The following PACRG variants were observed in gnomAD, a reference collection of about 807,000 sequenced individuals.
The protein encoded by PACRG is parkin coregulated, also known as parkin coregulated gene protein.
PACRG carries 29 observed loss-of-function variants against 29.7 expected under a neutral mutation model. The ratio of observed to expected loss-of-function variants is 0.98; its 90% CI spans 0.73 to 1.33. PACRG has a LOEUF of 1.33. Ranked by LOEUF, PACRG falls within the 40% of genes most tolerant of loss-of-function variation. The probability of loss-of-function intolerance (pLI) is 0.00; values close to 1 mark genes in which losing one functional copy is unlikely to be tolerated. For missense variants in PACRG, 279 were observed against 316.2 expected (o/e 0.88, Z 0.89); for synonymous variants, 116 against 118.7 (o/e 0.98, Z 0.15).
intron 1 of PACRG, among the ~76,000 whole-genome samples, chr6:162,774,166 G>C (rs192092584): frequency 7.2e-4 from 110 of 152,264 alleles, no homozygotes; most frequent in South Asian, 1.7e-3. Flanking sequence ...CTAGAAACAA[G>C]ATCTCCTACT....
intron 2 of PACRG, among the ~76,000 whole-genome samples, chr6:163,025,491 C>G (rs964823892): frequency 6.6e-6 from 1 of 152,022 alleles, no homozygotes; most frequent in Non-Finnish European, 1.5e-5. Context: ...TTCCAGTCAC[C>G]GTGAAGAAAA....
intron 4 of PACRG, among the ~76,000 whole-genome samples, chr6:163,269,960 AAAGAAAGAAAGAAAGAAAGAAAG>A (rs1783745929): frequency 1.3e-5 from 1 of 79,440 alleles, no homozygotes; most frequent in Non-Finnish European, 2.6e-5. Flanking sequence ...AGAAAGAAAG[AAAGAAAGAAAGAAAGAAAGAAAG>A]AAAGAAAGAA....
chr6:163,244,937 T>C (rs1782637172), intron 4 of PACRG: 2 of 374,068 alleles, frequency 5.3e-6, no homozygotes, highest in Non-Finnish European at 1.1e-5. Flanking sequence ...CTTCTCTTTT[T>C]AGTAACCCAT....
intron 3 of PACRG, among the ~76,000 whole-genome samples, chr6:163,084,879 A>ATATATATAATATATATATTATATTATT (rs1813414424): frequency 7.0e-6 from 1 of 142,926 alleles, no homozygotes. Context: ...ATTATATTAT[A>ATATATATAATATATATATTATATTATT]TATATAAATT....
intron 4 of PACRG, among the ~76,000 whole-genome samples, chr6:163,297,787 T>C (rs1377205814): frequency 6.6e-6 from 1 of 152,202 alleles, no homozygotes; most frequent in Non-Finnish European, 1.5e-5. Context: ...TTCTTGCCTC[T>C]GATTAGCGAC....
chr6:163,255,262 A>G (rs1783061575), intron 4 of PACRG, among the ~76,000 whole-genome samples: 1 of 152,196 alleles, frequency 6.6e-6, no homozygotes, highest in Admixed American at 6.5e-5. Context: ...ACTGCAATTT[A>G]GGTCCCCAAG....
chr6:163,177,710 A>ATTTTTTTTTTTTTTTTTTTTTTTTTTT lies in PACRG; in HGVS notation c.613+88303_613+88329dup, dbSNP rs398003265. ...TGTTAGCTAAGAAATTAGAAAAGGG[A>ATTTTTTTTTTTTTTTTTTTTTTTTTTT]TTTTTTTTTTTTTTTTTTTTTTTTT... is the stretch of plus-strand genomic sequence containing the variant. On this transcript the variant is annotated intron_variant, in intron 4 of 4. Transcript: ENST00000366888. Among the ~76,000 whole-genome samples the ATTTTTTTTTTTTTTTTTTTTTTTTTTT allele has an allele frequency of 7.4e-5, 4 of 53,744 alleles. 1 individual carries two copies. Among genetic ancestry groups the ATTTTTTTTTTTTTTTTTTTTTTTTTTT allele is most frequent in the Non-Finnish European group, 1.3e-4 (4 of 31,746 alleles). The allele number at this position is 53,744 out of a possible 152,430, so 35.3% of individuals were successfully genotyped here.
chr6:162,977,149 A>G (rs775625667), intron 2 of PACRG, among the ~76,000 whole-genome samples: 14 of 152,036 alleles, frequency 9.2e-5, no homozygotes, highest in African/African-American at 3.4e-4. Flanking sequence ...TACTTTAAAT[A>G]TAGATATGAG....
At chr6:163,209,170 G>C (rs1350269197) in intron 4 of PACRG, among the ~76,000 whole-genome samples, 1 of 152,234 alleles carries the variant, frequency 6.6e-6, no homozygotes, top group Non-Finnish European at 1.5e-5. Flanking sequence ...ACAGTGAACT[G>C]TTGTTAGTAT....
Position 162,962,045 on chromosome 6 carries a change from G to A in PACRG, c.292-100105G>A, listed in dbSNP as rs144131031. On this transcript the variant is annotated intron_variant, in intron 2 of 4. Coordinates refer to ENST00000366888, the MANE Select transcript of PACRG (RefSeq NM_001080379.2). ...CTCCTTGAATTTCCTTTTTTCTCTA[G>A]TGTGTGTGATGAAAACCAGCCTGCT... Among the ~76,000 whole-genome samples, 58 of 152,094 alleles carry A rather than the reference G, an allele frequency of 3.8e-4. No homozygotes were observed. In the East Asian group the frequency reaches 0.011, roughly 29 times the overall value.
intron 2 of PACRG, among the ~76,000 whole-genome samples, chr6:162,839,148 G>A (rs1463003669): frequency 6.4e-5 from 8 of 125,074 alleles, no homozygotes; most frequent in Non-Finnish European, 1.1e-4. Flanking sequence ...TCTAGTTCTA[G>A]ATCCCTGAGG....
intron 2 of PACRG, among the ~76,000 whole-genome samples, chr6:163,028,616 A>G (rs1760603094): frequency 6.6e-6 from 1 of 152,222 alleles, no homozygotes; most frequent in Non-Finnish European, 1.5e-5. Context: ...CAAAAAACAA[A>G]TATTTAAATA....
chr6:163,061,715 C>T (rs1051554846), intron 2 of PACRG, among the ~76,000 whole-genome samples: 1 of 152,174 alleles, frequency 6.6e-6, no homozygotes, highest in African/African-American at 2.4e-5. Flanking sequence ...TATGAACATG[C>T]ACTTCTGTAG....
chr6:163,094,767 C>A (rs1483837074), intron 4 of PACRG, among the ~76,000 whole-genome samples: 2 of 152,182 alleles, frequency 1.3e-5, no homozygotes, highest in Non-Finnish European at 2.9e-5. Flanking sequence ...GGTAGCTGTT[C>A]TACTTCCAAA....
intron 3 of PACRG, 96 bp downstream of exon 3, chr6:163,062,417 T>TCC (rs1168674924): frequency 3.8e-6 from 5 of 1,328,402 alleles, no homozygotes; most frequent in Non-Finnish European, 5.0e-6. Flanking sequence ...ACTGAGGTGA[T>TCC]CCCCAGTTTT....
chr6:163,157,209 C>T (rs1210574820), intron 4 of PACRG, among the ~76,000 whole-genome samples: 1 of 152,240 alleles, frequency 6.6e-6, no homozygotes, highest in African/African-American at 2.4e-5. Flanking sequence ...GTCCCGCGTC[C>T]AGTAGTGCCT....
intron 2 of PACRG, among the ~76,000 whole-genome samples, chr6:162,834,788 C>T (rs938174716): frequency 3.3e-5 from 5 of 151,820 alleles, no homozygotes; most frequent in African/African-American, 1.2e-4. Context: ...TAATGAAACC[C>T]AGAAGGTGCA....
chr6:163,124,180 A>G (rs1816421647), intron 4 of PACRG, among the ~76,000 whole-genome samples: 1 of 152,158 alleles, frequency 6.6e-6, no homozygotes, highest in South Asian at 2.1e-4. Context: ...CTCTTTGTAT[A>G]TTTCAGAAAT....
chr6:162,819,085 G>A (rs371037899), intron 2 of PACRG, among the ~76,000 whole-genome samples: 18 of 152,230 alleles, frequency 1.2e-4, no homozygotes, highest in South Asian at 4.2e-4. Context: ...GCCTTTCTGC[G>A]TTCTTGTTTT....
Sources: allele counts gnomAD v4.1 joint callset (sites outside exome capture counted in the v4.1 genomes callset), GRCh38; gene constraint gnomAD v4.1.1; transcripts MANE v1.5; gene names NCBI Gene and HGNC (gene_info 2026-07-23, HGNC 2026-07-21).